Variants in KCNJ6 observed in about 807,000 individuals in gnomAD.
KCNJ6 encodes the protein G protein-activated inward rectifier potassium channel 2.
A neutral mutation model predicts 34.2 loss-of-function variants in KCNJ6; 9 were observed. The observed-to-expected ratio is 0.26, with a 90% CI of 0.16 to 0.46. The LOEUF (loss-of-function observed/expected upper bound fraction) is 0.46. Among genes scored for constraint, KCNJ6 ranks in the 20% least tolerant of loss-of-function variants. KCNJ6 has a pLI of 1.00. For missense variants in KCNJ6, 236 were observed against 531.3 expected (o/e 0.44, Z 5.46); for synonymous variants, 196 against 207.1 (o/e 0.95, Z 0.46).
At chr21:37,676,407 C>T (rs988885184) in intron 3 of KCNJ6, among the ~76,000 whole-genome samples, 7 of 152,298 alleles carry the variant, frequency 4.6e-5, no homozygotes, top group Admixed American at 1.3e-4. Flanking sequence ...TGAACTCTGC[C>T]GCCAGCCAAC....
intron 2 of KCNJ6, among the ~76,000 whole-genome samples, chr21:37,719,829 GTGT>G (rs1237334228): frequency 1.3e-5 from 2 of 152,216 alleles, no homozygotes; most frequent in African/African-American, 4.8e-5. Flanking sequence ...CAGTGGGATT[GTGT>G]TGTTGCATTT....
chr21:37,674,624 AG>A (rs1260703210), intron 3 of KCNJ6, among the ~76,000 whole-genome samples: 2 of 150,290 alleles, frequency 1.3e-5, no homozygotes, highest in Non-Finnish European at 2.9e-5. Context: ...TGATACCCAC[AG>A]GGCTCACACC....
intron 3 of KCNJ6, among the ~76,000 whole-genome samples, chr21:37,638,347 A>C (rs566091833): frequency 2.0e-5 from 3 of 152,020 alleles, no homozygotes; most frequent in Non-Finnish European, 2.9e-5. Context: ...GGGTTTCACC[A>C]TGTTGGCCAG....
chr21:37,846,907 C>T (rs755606897), intron 1 of KCNJ6, among the ~76,000 whole-genome samples: 5 of 152,136 alleles, frequency 3.3e-5, no homozygotes, highest in Admixed American at 6.5e-5. Context: ...TTCCCTGACA[C>T]GGTGCCATGG....
At chr21:37,644,995 C>T (rs1292209931) in intron 3 of KCNJ6, among the ~76,000 whole-genome samples, 1 of 147,428 alleles carries the variant, frequency 6.8e-6, no homozygotes, top group Admixed American at 6.8e-5. Context: ...GAGAGCATCA[C>T]TGGTTGCAAG....
intron 1 of KCNJ6, among the ~76,000 whole-genome samples, chr21:37,873,687 C>T (rs1453143570): frequency 6.6e-6 from 1 of 152,152 alleles, no homozygotes; most frequent in Non-Finnish European, 1.5e-5. Context: ...CTTTCTCACT[C>T]TCCCTGTTCT....
chr21:37,836,985 A>T (rs2055455060), intron 2 of KCNJ6, among the ~76,000 whole-genome samples: 1 of 151,980 alleles, frequency 6.6e-6, no homozygotes, highest in African/African-American at 2.4e-5. Context: ...TTTAGACCCC[A>T]TGGACCCTCT....
intron 2 of KCNJ6, among the ~76,000 whole-genome samples, chr21:37,742,680 A>T (rs536189299): frequency 6.6e-6 from 1 of 152,304 alleles, no homozygotes; most frequent in South Asian, 2.1e-4. Context: ...TTGCTGTGGC[A>T]GTCACCATAT....
chr21:37,675,204 C>T lies in KCNJ6; in HGVS notation c.946+39007G>A, dbSNP rs2054559294. On this transcript the variant is annotated intron_variant, in intron 3 of 3. Coordinates refer to ENST00000609713, the MANE Select transcript of KCNJ6 (RefSeq NM_002240.5). This position sits in a 1 kb window ranked among gnomAD's most constrained non-coding sequence, Gnocchi z 4.2. The stretch of plus-strand genomic sequence containing the variant: ...AATGTAGCAGGGGCTCCGTTTTGAA[C>T]TACTGGCCTGTGCAAAACCAAAAGT... 6.6e-6 allele frequency among the ~76,000 whole-genome samples: 1 copy of T among 152,210 alleles called. No homozygotes were observed. Among genetic ancestry groups the T allele is most frequent in the Non-Finnish European group, 1.5e-5 (1 of 68,038 alleles).
At chr21:37,834,498 C>G (rs1169185802) in intron 2 of KCNJ6, among the ~76,000 whole-genome samples, 3 of 152,244 alleles carry the variant, frequency 2.0e-5, no homozygotes, top group African/African-American at 7.2e-5. Flanking sequence ...CATGTCATAG[C>G]TGTTACTCTC....
At chr21:37,730,212 C>T (rs1408175508) in intron 2 of KCNJ6, among the ~76,000 whole-genome samples, 1 of 152,210 alleles carries the variant, frequency 6.6e-6, no homozygotes, top group Non-Finnish European at 1.5e-5. Context: ...CCAAGGGACC[C>T]GCAGCCTTAA....
chr21:37,721,525 C>T (rs1297305372), intron 2 of KCNJ6, among the ~76,000 whole-genome samples: 6 of 152,276 alleles, frequency 3.9e-5, no homozygotes, highest in Non-Finnish European at 7.4e-5. Flanking sequence ...ACAACTGTTG[C>T]GTCAAGAAAT....
chr21:37,889,818 C>T (rs911336203), intron 1 of KCNJ6, among the ~76,000 whole-genome samples: 1 of 152,196 alleles, frequency 6.6e-6, no homozygotes, highest in African/African-American at 2.4e-5. Context: ...CTCTTTTAAG[C>T]ACACCAGTCA....
intron 2 of KCNJ6, among the ~76,000 whole-genome samples, chr21:37,815,817 C>A (rs1317461094): frequency 6.6e-6 from 1 of 152,184 alleles, no homozygotes; most frequent in African/African-American, 2.4e-5. Context: ...TGGCTTTAGC[C>A]CCCATATGTG....
intron 3 of KCNJ6, among the ~76,000 whole-genome samples, chr21:37,634,451 C>T (rs1328231830): frequency 6.6e-6 from 1 of 152,186 alleles, no homozygotes; most frequent in Non-Finnish European, 1.5e-5. Context: ...AAATGAACCT[C>T]TTTTCTTCAT....
intron 3 of KCNJ6, among the ~76,000 whole-genome samples, chr21:37,657,277 T>C (rs905315409): frequency 2.0e-5 from 3 of 152,092 alleles, no homozygotes; most frequent in Non-Finnish European, 4.4e-5. Context: ...GGGGAGCTGG[T>C]TGGGGTGAAC....
intron 2 of KCNJ6, among the ~76,000 whole-genome samples, chr21:37,745,241 T>C (rs936008656): frequency 6.6e-6 from 1 of 152,058 alleles, no homozygotes; most frequent in Non-Finnish European, 1.5e-5. Flanking sequence ...ACCACAGGTG[T>C]GCACCACCAT....
intron 1 of KCNJ6, among the ~76,000 whole-genome samples, chr21:37,868,801 T>C (rs937071149): frequency 7.9e-5 from 12 of 151,910 alleles, no homozygotes; most frequent in African/African-American, 2.7e-4. Context: ...TGGGGTTGGG[T>C]GGAGAGGGGA....
intron 1 of KCNJ6, among the ~76,000 whole-genome samples, chr21:37,905,309 T>C (rs1393980918): frequency 6.6e-6 from 1 of 152,198 alleles, no homozygotes; most frequent in Non-Finnish European, 1.5e-5. Flanking sequence ...AAAATTCCTG[T>C]ATTTCCTCCC....
Sources: allele counts gnomAD v4.1 joint callset (sites outside exome capture counted in the v4.1 genomes callset), GRCh38; gene constraint gnomAD v4.1.1; non-coding constraint Gnocchi (gnomAD v3.1); transcripts MANE v1.5; gene names NCBI Gene and HGNC (gene_info 2026-07-23, HGNC 2026-07-21).